The following GAREM1 variants were observed in gnomAD, a reference collection of about 807,000 sequenced individuals.
The protein encoded by GAREM1 is GRB2 associated regulator of MAPK1 subtype 1.
Under a neutral mutation model 71.3 loss-of-function variants are expected in GAREM1, and 26 were observed. The observed-to-expected ratio is 0.36, with a 90% CI of 0.27 to 0.51. The LOEUF (loss-of-function observed/expected upper bound fraction) is 0.51. Among genes scored for constraint, GAREM1 ranks in the 20% least tolerant of loss-of-function variants. The probability of loss-of-function intolerance (pLI) is 0.95; values close to 1 mark genes in which losing one functional copy is unlikely to be tolerated. For missense variants in GAREM1, 1,026 were observed against 1,103.1 expected, an observed-to-expected ratio of 0.93 and a Z score of 0.99; for synonymous variants, 440 against 433.2, an observed-to-expected ratio of 1.02 and a Z score of -0.20.
intron 1 of GAREM1, among the ~76,000 whole-genome samples, chr18:32,433,304 A>G (rs972764498): frequency 6.6e-6 from 1 of 151,946 alleles, no homozygotes; most frequent in Non-Finnish European, 1.5e-5. Context: ...AAGGACATCT[A>G]CAAAAAACCC....
chr18:32,438,967 G>A (rs146664251), intron 1 of GAREM1, among the ~76,000 whole-genome samples: 1 of 152,270 alleles, frequency 6.6e-6, no homozygotes, highest in Non-Finnish European at 1.5e-5. Flanking sequence ...GAGTAACAGT[G>A]GCTCATTTCA....
chr18:32,362,611 A>G (rs1284224541), intron 2 of GAREM1, among the ~76,000 whole-genome samples: 1 of 152,212 alleles, frequency 6.6e-6, no homozygotes, highest in Non-Finnish European at 1.5e-5. Flanking sequence ...GTTTAACCAA[A>G]TGATGACTAA....
intron 3 of GAREM1, among the ~76,000 whole-genome samples, chr18:32,289,386 A>G (rs928807992): frequency 1.3e-5 from 2 of 152,210 alleles, no homozygotes; most frequent in Non-Finnish European, 2.9e-5. Flanking sequence ...CCAGCATGAG[A>G]GGTAAAGCAT....
chr18:32,470,135 G>C lies in GAREM1; in HGVS notation c.121+173C>G, dbSNP rs1196231739. Among the ~76,000 whole-genome samples the C allele has an allele frequency of 3.9e-5, 6 of 152,198 alleles. No individual in the cohort carries two copies. The highest frequency in any genetic ancestry group is 3.4e-3 in the Middle Eastern group (1 of 294). Reference sequence around the variant, plus strand: ...GATTTCCACCTCCTTGTCTGCTGCTGGGGGGAGTTGAGAGCAACGCGCCAG... The same window carrying C: ...GATTTCCACCTCCTTGTCTGCTGCTCGGGGGAGTTGAGAGCAACGCGCCAG... On this transcript the variant is annotated intron_variant, in intron 1 of 5. Coordinates refer to ENST00000269209, the MANE Select transcript of GAREM1 (RefSeq NM_001242409.2). This position sits in a 1 kb window ranked among gnomAD's most constrained non-coding sequence, Gnocchi z 4.4.
At chr18:32,352,864 C>A (rs900496586) in intron 2 of GAREM1, among the ~76,000 whole-genome samples, 4 of 152,114 alleles carry the variant, frequency 2.6e-5, no homozygotes, top group African/African-American at 7.2e-5. Context: ...CCAGCTGTGG[C>A]CATGGGACAG....
At chr18:32,338,102 C>T (rs551789599) in intron 2 of GAREM1, among the ~76,000 whole-genome samples, 4 of 152,262 alleles carry the variant, frequency 2.6e-5, no homozygotes, top group South Asian at 2.1e-4. Context: ...TCCACAAATA[C>T]AAAAAATGCA....
intron 1 of GAREM1, among the ~76,000 whole-genome samples, chr18:32,465,532 G>A (rs961996923): frequency 7.9e-5 from 12 of 152,098 alleles, no homozygotes; most frequent in African/African-American, 2.7e-4. Context: ...AAGGAGAGAC[G>A]GTCACTGCTC....
chr18:32,304,331 T>C (rs538320271), intron 3 of GAREM1, among the ~76,000 whole-genome samples: 74 of 151,806 alleles, frequency 4.9e-4, no homozygotes, highest in Middle Eastern at 3.4e-3. Flanking sequence ...TAACATAAAA[T>C]AAAAAATAAA....
chr18:32,468,845 A>C (rs906955490), intron 1 of GAREM1, among the ~76,000 whole-genome samples: 1 of 152,064 alleles, frequency 6.6e-6, no homozygotes, highest in African/African-American at 2.4e-5. Context: ...GGAGGAAATG[A>C]AACGCTGTGA....
At chr18:32,454,742 C>A (rs1019375742) in intron 1 of GAREM1, among the ~76,000 whole-genome samples, 1 of 152,160 alleles carries the variant, frequency 6.6e-6, no homozygotes, top group African/African-American at 2.4e-5. Context: ...TCTTTCCTTG[C>A]CCAGAACCTG....
intron 1 of GAREM1, among the ~76,000 whole-genome samples, chr18:32,468,792 A>C (rs999307286): frequency 6.6e-6 from 1 of 152,162 alleles, no homozygotes; most frequent in Non-Finnish European, 1.5e-5. Context: ...AGAAGGTAGG[A>C]AAAGGTAAGG....
In GAREM1 at chr18:32,287,256, T is replaced by G; in HGVS notation, c.1341A>C (p.Gly447=). The stretch of plus-strand genomic sequence containing the variant: ...GCTCTTCGTAGGGAAGTTCTGACTT[T>G]CCCGGGATGCCTGCTGATTCTTCAC... ...EASEESAGIP[G]KSELPYEELW... Residue 447 remains glycine (G), a synonymous_variant, in exon 4 of 6, where the codon GGA becomes GGC. Coordinates refer to ENST00000269209, the MANE Select transcript of GAREM1 (RefSeq NM_001242409.2). This position sits in a 1 kb window ranked among gnomAD's most constrained non-coding sequence, Gnocchi z 5.9. The G allele has an allele frequency of 1.2e-6, 2 of 1,614,212 alleles. No individual in the cohort carries two copies. The highest frequency in any genetic ancestry group is 1.7e-6 in the Non-Finnish European group (2 of 1,180,032).
chr18:32,269,899 T>A (rs540304525), intron 5 of GAREM1, among the ~76,000 whole-genome samples: 1 of 152,088 alleles, frequency 6.6e-6, no homozygotes, highest in African/African-American at 2.4e-5. Context: ...CGTGTCAAAG[T>A]GGAAAGAACC....
chr18:32,413,524 T>C (rs2048439852), intron 1 of GAREM1, among the ~76,000 whole-genome samples: 1 of 152,132 alleles, frequency 6.6e-6, no homozygotes, highest in Non-Finnish European at 1.5e-5. Flanking sequence ...CTAGGTGACA[T>C]TCTACATCTA....
intron 1 of GAREM1, among the ~76,000 whole-genome samples, chr18:32,400,381 T>C (rs375854879): frequency 3.4e-4 from 51 of 152,156 alleles, no homozygotes; most frequent in East Asian, 9.7e-4. Flanking sequence ...TCAGAGTGAA[T>C]AGGCAACCTA....
intron 3 of GAREM1, among the ~76,000 whole-genome samples, chr18:32,291,533 T>C (rs2047087040): frequency 6.6e-6 from 1 of 152,124 alleles, no homozygotes; most frequent in South Asian, 2.1e-4. Flanking sequence ...GGGATATGTG[T>C]GCAGAACGTT....
chr18:32,329,881 C>A (rs2047514797), intron 2 of GAREM1, among the ~76,000 whole-genome samples: 1 of 152,026 alleles, frequency 6.6e-6, no homozygotes, highest in African/African-American at 2.4e-5. Flanking sequence ...AATTCTACCC[C>A]TGTGTATAAG....
At chr18:32,282,705 A>G (rs1423336734) in intron 4 of GAREM1, among the ~76,000 whole-genome samples, 2 of 152,138 alleles carry the variant, frequency 1.3e-5, no homozygotes, top group Admixed American at 1.3e-4. Context: ...CCACGGTGCC[A>G]GGCTAACCCT....
intron 2 of GAREM1, among the ~76,000 whole-genome samples, chr18:32,314,089 A>C (rs921814386): frequency 6.0e-5 from 9 of 149,556 alleles, no homozygotes; most frequent in African/African-American, 2.3e-4. Context: ...TGACAAAAAA[A>C]GTTTTTTTTT....
Sources: allele counts gnomAD v4.1 joint callset (sites outside exome capture counted in the v4.1 genomes callset), GRCh38; gene constraint gnomAD v4.1.1; non-coding constraint Gnocchi (gnomAD v3.1); transcripts MANE v1.5; gene names NCBI Gene and HGNC (gene_info 2026-07-23, HGNC 2026-07-21).